Variants in TAF5L observed in about 807,000 individuals in gnomAD.
TAF5L encodes TAF5-like RNA polymerase II p300/CBP-associated factor-associated factor 65 kDa subunit 5L.
TAF5L carries 7 observed loss-of-function variants against 51.3 expected under a neutral mutation model. The ratio of observed to expected loss-of-function variants is 0.14; its 90% CI spans 0.08 to 0.26. The LOEUF (loss-of-function observed/expected upper bound fraction) is 0.26, where lower values mean the gene tolerates loss of function less well. Among genes scored for constraint, TAF5L ranks in the 10% least tolerant of loss-of-function variants. TAF5L has a pLI of 1.00. For synonymous variants in TAF5L, 291 were observed against 308.1 expected (o/e 0.94, Z 0.58); for missense variants, 575 against 758.9 (o/e 0.76, Z 2.85).
At chr1:229,599,376 C>A (rs192144595) in intron 4 of TAF5L, 1 of 219,598 alleles carries the variant, frequency 4.6e-6, no homozygotes, top group Non-Finnish European at 7.7e-6. Flanking sequence ...GCAATGATCA[C>A]CACTATCTAA....
At chr1:229,595,653 A>G (rs1664094195) in intron 4 of TAF5L, among the ~76,000 whole-genome samples, 1 of 152,100 alleles carries the variant, frequency 6.6e-6, no homozygotes, top group Non-Finnish European at 1.5e-5. Flanking sequence ...ATGAAGGCAG[A>G]TGTGGTATCA....
intron 3 of TAF5L, among the ~76,000 whole-genome samples, chr1:229,605,015 G>T (rs1664531763): frequency 6.6e-6 from 1 of 152,008 alleles, no homozygotes; most frequent in African/African-American, 2.4e-5. Flanking sequence ...TCGGCTCATT[G>T]CATCCTCTGC....
intron 4 of TAF5L, among the ~76,000 whole-genome samples, chr1:229,595,896 C>T (rs956562414): frequency 2.6e-5 from 4 of 152,214 alleles, no homozygotes; most frequent in African/African-American, 9.7e-5. Flanking sequence ...AACTCCCGAC[C>T]TCAGGTGATC....
intron 1 of TAF5L, 55 bp from the exon 2 acceptor site, chr1:229,614,540 C>G (rs953643043): frequency 5.9e-5 from 95 of 1,597,576 alleles, no homozygotes; most frequent in Admixed American, 8.4e-5. Context: ...GGAGAGCAAC[C>G]TATCTAACTG....
At position 229,625,090 on chromosome 1, in the gene TAF5L, C is replaced by T. The variant is rs1463876904; in HGVS notation, c.-4+795G>A. 6.6e-6 allele frequency among the ~76,000 whole-genome samples: 1 copy of T among 152,226 alleles called. No homozygotes were observed. Among genetic ancestry groups the T allele is most frequent in the Non-Finnish European group, 1.5e-5 (1 of 68,048 alleles). ...CCCAGAACCACAAAGACTGCGAGAT[C>T]CGCATTACAACGACTTTCACAACTG... On this transcript the variant is annotated intron_variant, in intron 1 of 4. Transcript: ENST00000258281. The surrounding 1 kb of genome is among the most constrained non-coding windows in gnomAD (Gnocchi z 4.0).
intron 2 of TAF5L, 116 bp downstream of exon 2, chr1:229,614,225 T>C: frequency 6.4e-7 from 1 of 1,572,158 alleles, no homozygotes; most frequent in Non-Finnish European, 8.7e-7. Flanking sequence ...CTGAGGTTTT[T>C]GGTCAGTCTG....
intron 3 of TAF5L, among the ~76,000 whole-genome samples, chr1:229,608,436 T>C (rs1332035917): frequency 2.0e-5 from 3 of 152,190 alleles, no homozygotes; most frequent in African/African-American, 4.8e-5. Context: ...CTGCATATCA[T>C]ATAAATCTTA....
chr1:229,606,769 A>T, intron 3 of TAF5L: 6 of 985,410 alleles, frequency 6.1e-6, no homozygotes, highest in Non-Finnish European at 7.2e-6. Context: ...CCTGGTTCAA[A>T]TCCAGAGGTT....
chr1:229,614,229 C>A, intron 2 of TAF5L, 112 bp downstream of exon 2: 2 of 1,587,534 alleles, frequency 1.3e-6, no homozygotes, highest in South Asian at 2.2e-5. Context: ...GGTTTTTGGT[C>A]AGTCTGCTCT....
chr1:229,600,694 T>C, intron 4 of TAF5L: 3 of 985,484 alleles, frequency 3.0e-6, no homozygotes, highest in Non-Finnish European at 3.6e-6. Flanking sequence ...GAATTCCGCA[T>C]GCGGTTCCTC....
chr1:229,617,277 A>C (rs1210898811), intron 1 of TAF5L, among the ~76,000 whole-genome samples: 1 of 152,200 alleles, frequency 6.6e-6, no homozygotes, highest in Non-Finnish European at 1.5e-5. Context: ...TGTTATATTT[A>C]GAGTAAAAAA....
At chr1:229,604,610 G>A (rs529598297) in intron 3 of TAF5L, among the ~76,000 whole-genome samples, 5 of 152,234 alleles carry the variant, frequency 3.3e-5, no homozygotes, top group African/African-American at 1.2e-4. Flanking sequence ...ACCCTGCCCT[G>A]TGATTACAGT....
chr1:229,622,018 CATCTATCTATCT>C (rs10578192), intron 1 of TAF5L, among the ~76,000 whole-genome samples: 32,576 of 148,904 alleles, frequency 0.22, 4,079 homozygotes, highest in Non-Finnish European at 0.28. Context: ...CATTCATCAT[CATCTATCTATCT>C]ATCTATCTAT....
intron 1 of TAF5L, among the ~76,000 whole-genome samples, chr1:229,622,078 TA>T (rs1665227624): frequency 6.6e-6 from 1 of 152,120 alleles, no homozygotes; most frequent in African/African-American, 2.4e-5. Flanking sequence ...TACAGATAGA[TA>T]TATATAGATA....
At chr1:229,593,666 C>A (rs1664002138) in exon 5 of TAF5L, 1 of 152,022 alleles carries the variant, frequency 6.6e-6, no homozygotes, top group African/African-American at 2.4e-5. Context: ...GTATCAAAAC[C>A]AGTGCCAGGA....
At chr1:229,614,064 T>G (rs1425428060) in intron 2 of TAF5L, 4 of 617,794 alleles carry the variant, frequency 6.5e-6, no homozygotes, top group Non-Finnish European at 1.1e-5. Flanking sequence ...GCACGTACTT[T>G]CAGGTACAGA....
chr1:229,601,249 T>C (rs1664362334), intron 4 of TAF5L: 1 of 985,432 alleles, frequency 1.0e-6, no homozygotes, highest in Non-Finnish European at 1.2e-6. Flanking sequence ...CCCAATATTC[T>C]TGACATCCTT....
rs1453855266 is a variant in TAF5L at position 229,595,908 on chromosome 1, G to A, written c.973-814C>T. Among the ~76,000 whole-genome samples, 3 of 152,120 alleles carry A rather than the reference G, an allele frequency of 2.0e-5. No individual in the cohort carries two copies. In the East Asian group the frequency reaches 5.8e-4, roughly 29 times the overall value. On this transcript the variant is annotated intron_variant, in intron 4 of 4. Transcript: ENST00000258281. ...TTGAACTCCCGACCTCAGGTGATCC[G>A]CCCGCCTTGGCCTCCCAAAGTGCTG...
Position 229,602,594 on chromosome 1 carries a change from G to A in TAF5L, c.573C>T (p.Leu191=), listed in dbSNP as rs1025668694. The change falls in exon 4 of 5, where the codon CTC becomes CTT. Residue 191 remains leucine (L), a synonymous_variant. Transcript: ENST00000258281. The surrounding 1 kb of genome is among the most constrained non-coding windows in gnomAD (Gnocchi z 4.6). ...GCACGTCAAGATGAATATGTAAGGT[G>A]AGGACTTTGCACAGGGCAGTATTGT... 2 of 1,614,252 alleles carry A rather than the reference G, an allele frequency of 1.2e-6. No individual in the cohort carries two copies. The highest frequency in any genetic ancestry group is 8.5e-7 in the Non-Finnish European group (1 of 1,180,048).
Sources: gnomAD v4.1 joint callset for allele counts (sites outside exome capture counted in the v4.1 genomes callset) on GRCh38, gnomAD v4.1.1 for gene constraint, Gnocchi (gnomAD v3.1) non-coding constraint, MANE v1.5 for transcripts, NCBI Gene and HGNC (gene_info 2026-07-23, HGNC 2026-07-21) for gene names.